LMLN: variants seen among roughly 807,000 people sequenced by gnomAD.
LMLN encodes the protein leishmanolysin like peptidase.
LMLN carries 70 observed loss-of-function variants against 92.3 expected under a neutral mutation model. The ratio of observed to expected loss-of-function variants is 0.76; its 90% CI spans 0.63 to 0.92. The LOEUF (loss-of-function observed/expected upper bound fraction) is 0.92, where lower values mean the gene tolerates loss of function less well. Ranked by LOEUF, LMLN falls within the 40% of genes least tolerant of loss-of-function variation. The pLI, the probability that LMLN is intolerant of heterozygous loss-of-function variation, is 0.00. For synonymous variants in LMLN, 308 were observed against 296.2 expected (o/e 1.04, Z -0.41); for missense variants, 691 against 814.6 (o/e 0.85, Z 1.85).
At chr3:197,976,615 A>G in exon 5 of LMLN, 1 of 1,593,538 alleles carries the variant, frequency 6.3e-7, no homozygotes, top group Non-Finnish European at 8.6e-7. Flanking sequence ...GCAACAAACC[A>G]ATACCTCCGG....
At chr3:198,001,223 A>T (rs7612824) in intron 11 of LMLN, among the ~76,000 whole-genome samples, 3,883 of 152,300 alleles carry the variant, frequency 0.025, 160 homozygotes, top group African/African-American at 0.087. Flanking sequence ...CTTCCCTACT[A>T]GATTATGATC....
At chr3:198,001,471 C>T (rs1329558990) in intron 11 of LMLN, among the ~76,000 whole-genome samples, 6 of 152,204 alleles carry the variant, frequency 3.9e-5, no homozygotes, top group Admixed American at 1.3e-4. Flanking sequence ...AGTCTACTTA[C>T]TCCACATTTT....
At chr3:197,971,592 G>T (rs1391294904) in intron 1 of LMLN, among the ~76,000 whole-genome samples, 1 of 152,096 alleles carries the variant, frequency 6.6e-6, no homozygotes, top group East Asian at 1.9e-4. Context: ...GTTGTTGTTT[G>T]TTTGTTTTTG....
At chr3:198,038,263 C>T (rs958902186) in intron 15 of LMLN, 4 of 297,928 alleles carry the variant, frequency 1.3e-5, no homozygotes, top group African/African-American at 8.7e-5. Context: ...GAAAGTTCTT[C>T]ACCCCATCTC....
At chr3:198,021,968 T>C (rs1722795948) in intron 13 of LMLN, among the ~76,000 whole-genome samples, 1 of 152,230 alleles carries the variant, frequency 6.6e-6, no homozygotes. Flanking sequence ...AACATTTTAT[T>C]CTTCTGAAAA....
chr3:197,980,304 C>G (rs529761894), intron 5 of LMLN, 22 bp from the exon 6 acceptor site: 1 of 1,598,644 alleles, frequency 6.3e-7, no homozygotes, highest in South Asian at 1.1e-5. Context: ...TTCTGGCTTT[C>G]TGATGTCTCC....
exon 16 of LMLN, chr3:198,039,379 C>G (rs762647831): frequency 6.6e-6 from 1 of 152,208 alleles, no homozygotes; most frequent in African/African-American, 2.4e-5. Flanking sequence ...ATCTTGTCCT[C>G]AAAAGTATAA....
At chr3:198,032,198 C>T (rs1723096943) in intron 14 of LMLN, among the ~76,000 whole-genome samples, 1 of 151,916 alleles carries the variant, frequency 6.6e-6, no homozygotes, top group Non-Finnish European at 1.5e-5. Flanking sequence ...CCCTATGGGG[C>T]TCCTTTCTTA....
intron 1 of LMLN, among the ~76,000 whole-genome samples, chr3:197,973,299 T>C (rs1398032364): frequency 6.6e-6 from 1 of 151,618 alleles, no homozygotes; most frequent in East Asian, 1.9e-4. Flanking sequence ...TGGAGTGCAG[T>C]GACAAAATCT....
At chr3:198,012,226 G>A (rs551414865) in intron 11 of LMLN, among the ~76,000 whole-genome samples, 17 of 152,092 alleles carry the variant, frequency 1.1e-4, no homozygotes, top group Non-Finnish European at 1.9e-4. Context: ...CACCATGCCC[G>A]GCTAATTTTT....
chr3:198,038,807 G>T (rs908536446), exon 16 of LMLN: 12 of 673,584 alleles, frequency 1.8e-5, no homozygotes, highest in Non-Finnish European at 2.6e-6. Flanking sequence ...ACGACCATCA[G>T]ACCTTGAAGC....
chr3:197,961,320 AG>A (rs771489916), intron 1 of LMLN, among the ~76,000 whole-genome samples: 8 of 152,198 alleles, frequency 5.3e-5, no homozygotes, highest in Non-Finnish European at 1.0e-4. Context: ...TCTTTGAGAA[AG>A]GGAGAGTACC....
intron 7 of LMLN, among the ~76,000 whole-genome samples, chr3:197,984,877 A>G (rs775963984): frequency 4.0e-5 from 6 of 151,228 alleles, no homozygotes; most frequent in Admixed American, 1.3e-4. Flanking sequence ...GGGTCTCGCC[A>G]TGTTGCCCAG....
chr3:197,981,803 A>G (rs1184971210), intron 6 of LMLN, among the ~76,000 whole-genome samples: 1 of 147,204 alleles, frequency 6.8e-6, no homozygotes, highest in Non-Finnish European at 1.5e-5. Context: ...GGAGTCAGCT[A>G]GTCTTTTTTT....
At chr3:197,970,621 A>C (rs1721196892) in intron 1 of LMLN, among the ~76,000 whole-genome samples, 1 of 152,184 alleles carries the variant, frequency 6.6e-6, no homozygotes, top group Non-Finnish European at 1.5e-5. Flanking sequence ...AGCCACTGAA[A>C]TTTCAGACTC....
chr3:198,009,731 C>G (rs1008725794), intron 11 of LMLN, among the ~76,000 whole-genome samples: 1 of 152,096 alleles, frequency 6.6e-6, no homozygotes, highest in African/African-American at 2.4e-5. Context: ...GGAATTGGTT[C>G]ATTTTGTCTA....
intron 7 of LMLN, among the ~76,000 whole-genome samples, chr3:197,984,905 G>A (rs190618422): frequency 7.2e-5 from 11 of 151,860 alleles, no homozygotes; most frequent in Admixed American, 3.3e-4. Flanking sequence ...TTGAACTCCC[G>A]GGCTCAAGTG....
At chr3:197,988,394 A>C (rs545508048) in intron 8 of LMLN, among the ~76,000 whole-genome samples, 107 of 151,260 alleles carry the variant, frequency 7.1e-4, no homozygotes, top group African/African-American at 2.3e-3. Flanking sequence ...AATGCATTTG[A>C]AATTTTTTTT....
At chr3:197,983,250 G>A (rs1025299991) in intron 6 of LMLN, among the ~76,000 whole-genome samples, 18 of 152,196 alleles carry the variant, frequency 1.2e-4, no homozygotes, top group African/African-American at 4.3e-4. Flanking sequence ...AGTGGTAGGA[G>A]AACTGAGCTT....
Sources: allele counts gnomAD v4.1 joint callset (sites outside exome capture counted in the v4.1 genomes callset), GRCh38; gene constraint gnomAD v4.1.1; transcripts MANE v1.5; gene names NCBI Gene and HGNC (gene_info 2026-07-23, HGNC 2026-07-21).